REC114: variants seen among roughly 807,000 people sequenced by gnomAD.
REC114 encodes the protein REC114 meiotic recombination protein.
A neutral mutation model predicts 31.3 loss-of-function variants in REC114; 27 were observed. The ratio of observed to expected loss-of-function variants is 0.86; its 90% CI spans 0.64 to 1.19. The LOEUF is 1.19. Among genes scored for constraint, REC114 ranks in the 50% most tolerant of loss-of-function variants. REC114 has a pLI of 0.00. For synonymous variants in REC114, 134 were observed against 127.7 expected, an observed-to-expected ratio of 1.05 and a Z score of -0.33; for missense variants, 344 against 326.9, an observed-to-expected ratio of 1.05 and a Z score of -0.40.
intron 2 of REC114, among the ~76,000 whole-genome samples, chr15:73,499,822 T>G (rs1215300701): frequency 6.6e-6 from 1 of 152,178 alleles, no homozygotes; most frequent in Non-Finnish European, 1.5e-5. Context: ...GCAGTTTTGC[T>G]TTTCACCCTT....
chr15:73,493,947 G>C (rs753616998), intron 2 of REC114, among the ~76,000 whole-genome samples: 4 of 152,154 alleles, frequency 2.6e-5, no homozygotes, highest in Non-Finnish European at 4.4e-5. Context: ...TTCCAGATGA[G>C]GGCTTTCTTA....
At chr15:73,518,299 A>T (rs1893889102) in intron 2 of REC114, among the ~76,000 whole-genome samples, 1 of 152,238 alleles carries the variant, frequency 6.6e-6, no homozygotes, top group African/African-American at 2.4e-5. Context: ...AGTGGCCTCC[A>T]GCACAACTGA....
chr15:73,542,312 C>T (rs1280944766), intron 3 of REC114, among the ~76,000 whole-genome samples: 1 of 132,902 alleles, frequency 7.5e-6, no homozygotes, highest in East Asian at 2.1e-4. Context: ...GCATGGGCAA[C>T]AGAGCAAGAC....
At chr15:73,530,577 G>T (rs112979086) in intron 2 of REC114, among the ~76,000 whole-genome samples, 5,618 of 152,226 alleles carry the variant, frequency 0.037, 153 homozygotes, top group African/African-American at 0.077. Flanking sequence ...GAGCCCAGGA[G>T]ATCAAGGCTG....
At chr15:73,474,508 A>G (rs1893182416) in intron 2 of REC114, among the ~76,000 whole-genome samples, 1 of 152,214 alleles carries the variant, frequency 6.6e-6, no homozygotes, top group South Asian at 2.1e-4. Flanking sequence ...CTTCCAATCA[A>G]AGGAATTGTA....
chr15:73,552,170 A>C (rs1352291353), intron 4 of REC114, among the ~76,000 whole-genome samples: 1 of 152,238 alleles, frequency 6.6e-6, no homozygotes, highest in East Asian at 1.9e-4. Context: ...TTGCAACTTA[A>C]CTTTAAGCAA....
At chr15:73,522,002 AGGGTAGCTTAATG>A (rs1475344830) in intron 2 of REC114, among the ~76,000 whole-genome samples, 1 of 152,218 alleles carries the variant, frequency 6.6e-6, no homozygotes, top group Non-Finnish European at 1.5e-5. Context: ...AAAGTATGCT[AGGGTAGCTTAATG>A]TTTAAAAATC....
At chr15:73,540,702 G>T in intron 3 of REC114, 134 bp downstream of exon 3, 2 of 765,840 alleles carry the variant, frequency 2.6e-6, no homozygotes, top group Non-Finnish European at 4.5e-6. Flanking sequence ...TGTACTATGA[G>T]AAAAACATGA....
At chr15:73,540,870 A>G (rs1270127498) in intron 3 of REC114, among the ~76,000 whole-genome samples, 2 of 152,106 alleles carry the variant, frequency 1.3e-5, no homozygotes, top group African/African-American at 4.8e-5. Flanking sequence ...TTGTCTTGCG[A>G]TTTGGATGTT....
At chr15:73,521,417 C>A (rs529701515) in intron 2 of REC114, among the ~76,000 whole-genome samples, 2 of 151,946 alleles carry the variant, frequency 1.3e-5, no homozygotes, top group Admixed American at 6.6e-5. Context: ...GAGTGAAAAT[C>A]AAGGATTTAA....
chr15:73,446,094 A>G (rs962178054), intron 1 of REC114, among the ~76,000 whole-genome samples: 1 of 152,208 alleles, frequency 6.6e-6, no homozygotes, highest in Admixed American at 6.5e-5. Flanking sequence ...AAGCTAATAC[A>G]TGTCAATCAC....
chr15:73,536,476 C>A (rs116816096), intron 2 of REC114, among the ~76,000 whole-genome samples: 2 of 152,068 alleles, frequency 1.3e-5, no homozygotes, highest in African/African-American at 4.8e-5. Flanking sequence ...TGATGTTAAC[C>A]GCATGTTTAA....
At chr15:73,541,604 A>G (rs1186388633) in intron 3 of REC114, among the ~76,000 whole-genome samples, 1 of 152,204 alleles carries the variant, frequency 6.6e-6, no homozygotes, top group Non-Finnish European at 1.5e-5. Flanking sequence ...AGATTGCCAC[A>G]GGGATCTGGA....
intron 1 of REC114, among the ~76,000 whole-genome samples, chr15:73,450,063 A>G (rs1892822120): frequency 1.3e-5 from 2 of 152,232 alleles, no homozygotes; most frequent in South Asian, 4.1e-4. Flanking sequence ...CATCGATGCT[A>G]TGAAGAAACT....
chr15:73,444,445 T>A (rs192442805), intron 1 of REC114, among the ~76,000 whole-genome samples: 1 of 152,362 alleles, frequency 6.6e-6, no homozygotes, highest in East Asian at 1.9e-4. Flanking sequence ...CAGGAGTAGA[T>A]GCCATCTTAG....
intron 1 of REC114, among the ~76,000 whole-genome samples, chr15:73,467,903 T>G (rs897617840): frequency 2.0e-5 from 3 of 152,128 alleles, no homozygotes; most frequent in Admixed American, 2.0e-4. Flanking sequence ...TTTTTTTTTT[T>G]TTCCTGGCCT....
At chr15:73,452,244 C>T (rs2151251407) in intron 1 of REC114, among the ~76,000 whole-genome samples, 1 of 152,314 alleles carries the variant, frequency 6.6e-6, no homozygotes, top group Non-Finnish European at 1.5e-5. Flanking sequence ...CCAATCGTCT[C>T]AGCCCAAAAT....
At chr15:73,469,440 G>C (rs1191331624) in intron 1 of REC114, among the ~76,000 whole-genome samples, 1 of 151,954 alleles carries the variant, frequency 6.6e-6, no homozygotes, top group African/African-American at 2.4e-5. Flanking sequence ...TAGTGAAAGA[G>C]TCTCACTCTG....
At chr15:73,478,570 T>C (rs1893248878) in intron 2 of REC114, among the ~76,000 whole-genome samples, 1 of 152,172 alleles carries the variant, frequency 6.6e-6, no homozygotes. Flanking sequence ...TATAGGTCAT[T>C]TGCATTTCCA....
Sources: allele counts gnomAD v4.1 joint callset (sites outside exome capture counted in the v4.1 genomes callset), GRCh38; gene constraint gnomAD v4.1.1; transcripts MANE v1.5; gene names NCBI Gene and HGNC (gene_info 2026-07-23, HGNC 2026-07-21).